Variants in VPS13A observed in about 807,000 individuals in gnomAD.
The protein encoded by VPS13A is intermembrane lipid transfer protein VPS13A.
In VPS13A, 264 loss-of-function variants were observed where a neutral mutation model predicts 390.9. That is an observed-to-expected ratio of 0.68 (90% CI 0.61 to 0.75). The LOEUF is 0.75. VPS13A is among the 30% of genes least tolerant of loss of function. VPS13A has a pLI of 0.00. For synonymous variants in VPS13A, 1,231 were observed against 1,227.1 expected (o/e 1.00, Z -0.07); for missense variants, 3,409 against 3,733.9 (o/e 0.91, Z 2.27).
At position 77,344,226 on chromosome 9, in the gene VPS13A, A is replaced by T. The variant is rs1395182359; in HGVS notation, c.7100A>T (p.Lys2367Ile). ...GTCGAAAGGAGTGAAGATCCTCCCA[A>T]AAGGATATATTTTAACAAGCAGGAA... is the stretch of plus-strand genomic sequence containing the variant. ...IQVERSEDPP[K>I]RIYFNKQENC... The change falls in exon 51 of 72, where the codon AAA becomes ATA. Residue 2367 changes from lysine (K) to isoleucine (I), a missense_variant. This residue lies in a region of VPS13A where 2,717 missense variants were observed against 2,917.4 expected (regional missense o/e 0.93). Transcript: ENST00000360280. 3 of 1,613,238 alleles carry T rather than the reference A, an allele frequency of 1.9e-6. No individual in the cohort carries two copies. Among genetic ancestry groups the T allele is most frequent in the Non-Finnish European group, 2.5e-6 (3 of 1,179,524 alleles).
intron 33 of VPS13A, among the ~76,000 whole-genome samples, chr9:77,298,297 T>A (rs1828130548): frequency 6.6e-6 from 1 of 152,206 alleles, no homozygotes; most frequent in Non-Finnish European, 1.5e-5. Context: ...AGTAATAATT[T>A]GTGCTAGTCA....
rs61703004 is a variant in VPS13A at position 77,207,213 on chromosome 9, TTATATATATA to T, written c.385+1165_385+1174del. Among the ~76,000 whole-genome samples the T allele has an allele frequency of 0.012, 525 of 43,124 alleles. 37 individuals carry two copies. The East Asian group carries it at 0.16, about 13-fold the overall frequency. 28.3% of individuals were successfully genotyped at this position (43,124 alleles called of 152,430 possible). On this transcript the variant is annotated intron_variant, in intron 5 of 71. Transcript: ENST00000360280. ...CTCTGTGTCTTGATTTATTTAGATA[TTATATATATA>T]TATATATATATATATATATATATAT...
At chr9:77,267,405 C>T (rs1291724705) in intron 23 of VPS13A, among the ~76,000 whole-genome samples, 1 of 152,116 alleles carries the variant, frequency 6.6e-6, no homozygotes, top group Admixed American at 6.5e-5. Context: ...GTTAGTTTTC[C>T]TTCTAACAGT....
At chr9:77,184,833 C>G (rs1254462689) in intron 1 of VPS13A, among the ~76,000 whole-genome samples, 1 of 152,008 alleles carries the variant, frequency 6.6e-6, no homozygotes, top group Admixed American at 6.6e-5. Flanking sequence ...GGTTTAGTTC[C>G]AAGACCTGTG....
At chr9:77,253,340 C>G (rs942612414) in intron 22 of VPS13A, among the ~76,000 whole-genome samples, 3 of 152,146 alleles carry the variant, frequency 2.0e-5, no homozygotes, top group African/African-American at 7.2e-5. Flanking sequence ...GAGTCTCCCT[C>G]TGTCACCCAG....
intron 45 of VPS13A, among the ~76,000 whole-genome samples, chr9:77,325,333 G>A (rs534618140): frequency 1.3e-5 from 2 of 151,892 alleles, no homozygotes; most frequent in Non-Finnish European, 2.9e-5. Flanking sequence ...ATGGCTCAAG[G>A]GCTGGGGACC....
intron 68 of VPS13A, chr9:77,395,916 T>C (rs1418218464): frequency 2.0e-5 from 3 of 152,188 alleles, no homozygotes; most frequent in Non-Finnish European, 2.9e-5. Context: ...CACATGCTAA[T>C]TGGCAAGCAG....
chr9:77,313,962 C>G, intron 35 of VPS13A, 30 bp from the exon 36 acceptor site: 1 of 1,593,154 alleles, frequency 6.3e-7, no homozygotes. Context: ...ATGATATTTT[C>G]TTTTATTAAA....
chr9:77,210,689 A>C lies in VPS13A; in HGVS notation c.555+14A>C. ...CTGAGCATGCAGGTATTTTGTTTAT[A>C]AAAGAATCTTAACCATATTTAATGT... is the stretch of plus-strand genomic sequence containing the variant. On this transcript the variant is annotated intron_variant, in intron 7 of 71. Transcript: ENST00000360280. The C allele has an allele frequency of 5.0e-6, 8 of 1,612,340 alleles. No homozygotes were observed. Among genetic ancestry groups the C allele is most frequent in the Non-Finnish European group, 6.8e-6 (8 of 1,178,748 alleles).
intron 23 of VPS13A, among the ~76,000 whole-genome samples, chr9:77,262,114 A>G (rs1475249147): frequency 6.6e-6 from 1 of 152,170 alleles, no homozygotes. Flanking sequence ...TTGTCTAATT[A>G]AGGAAGTAAC....
rs768019151 is a variant in VPS13A at position 77,317,602 on chromosome 9, A to T, written c.4864-4A>T. The T allele has an allele frequency of 1.3e-6, 2 of 1,596,274 alleles. No individual in the cohort carries two copies. The highest frequency in any genetic ancestry group is 1.7e-6 in the Non-Finnish European group (2 of 1,170,456). The stretch of plus-strand genomic sequence containing the variant: ...ATTTAGTGGTATTGATTTTTCTCTC[A>T]TAGGTTTTGCAGCCCTGTGACTTGT... On this transcript the variant is annotated splice_region_variant and splice_polypyrimidine_tract_variant and intron_variant, in intron 39 of 71. Coordinates refer to ENST00000360280, the MANE Select transcript of VPS13A (RefSeq NM_033305.3).
intron 69 of VPS13A, 40 bp downstream of exon 69, chr9:77,403,361 T>TTAAC: frequency 6.6e-7 from 1 of 1,507,684 alleles, no homozygotes; most frequent in Admixed American, 1.7e-5. Context: ...TTATAAGGGG[T>TTAAC]TAACTGACAG....
At chr9:77,366,526 A>G (rs576711128) in intron 60 of VPS13A, among the ~76,000 whole-genome samples, 1 of 152,114 alleles carries the variant, frequency 6.6e-6, no homozygotes, top group Non-Finnish European at 1.5e-5. Context: ...GCTATCTTAA[A>G]TTGTTGAATT....
At position 77,250,187 on chromosome 9, in the gene VPS13A, G is replaced by T; in HGVS notation, c.2128G>T (p.Asp710Tyr). 6.2e-7 allele frequency: 1 copy of T among 1,613,842 alleles called. No individual in the cohort carries two copies. The highest frequency in any genetic ancestry group is 1.1e-5 in the South Asian group (1 of 91,062). ...EIMDRAYDSF[D>Y]IQLTSVQLLY... ...AATGGATAGAGCTTATGATTCATTT[G>T]ATATTCAACTTACAAGTGTACAGCT... is the stretch of plus-strand genomic sequence containing the variant. Residue 710 changes from aspartate to tyrosine, a missense_variant, in exon 21 of 72, where the codon GAT becomes TAT. Physicochemically the swap from Asp to Tyr is radical, Grantham distance 160 (BLOSUM62 -3). Transcript: ENST00000360280.
intron 5 of VPS13A, among the ~76,000 whole-genome samples, chr9:77,208,043 A>G (rs968467624): frequency 3.9e-5 from 6 of 152,238 alleles, no homozygotes; most frequent in African/African-American, 1.2e-4. Flanking sequence ...GTAAAATAAC[A>G]TATCATGGAA....
Position 77,321,734 on chromosome 9 carries a change from T to G in VPS13A, c.5818T>G (p.Phe1940Val), listed in dbSNP as rs1164821033. ...AMTSLSSKLF[F>V]ILLTPVNHST... Reference sequence around the variant, plus strand: ...GACCAGCCTAAGCAGCAAACTCTTCTTCATTCTTCTTAGTAAGTAGTTGAA... The same window carrying G: ...GACCAGCCTAAGCAGCAAACTCTTCGTCATTCTTCTTAGTAAGTAGTTGAA... The change falls in exon 44 of 72, where the codon TTC becomes GTC. Residue 1940 changes from phenylalanine to valine, a missense_variant. Physicochemically the swap from Phe to Val is conservative, Grantham distance 50. This residue lies in a region of VPS13A where 2,717 missense variants were observed against 2,917.4 expected (regional missense o/e 0.93). Coordinates refer to ENST00000360280, the MANE Select transcript of VPS13A (RefSeq NM_033305.3). The G allele has an allele frequency of 1.9e-6, 3 of 1,613,132 alleles. No individual in the cohort carries two copies. Among genetic ancestry groups the G allele is most frequent in the Non-Finnish European group, 2.5e-6 (3 of 1,179,452 alleles).
chr9:77,212,859 G>C, intron 7 of VPS13A, 110 bp from the exon 8 acceptor site: 1 of 1,130,084 alleles, frequency 8.8e-7, no homozygotes, highest in Admixed American at 1.8e-5. Flanking sequence ...GTCTTTAAAG[G>C]CATTTTCATG....
At chr9:77,310,341 A>T (rs1205595889) in intron 35 of VPS13A, among the ~76,000 whole-genome samples, 1 of 152,184 alleles carries the variant, frequency 6.6e-6, no homozygotes, top group East Asian at 1.9e-4. Flanking sequence ...AGAAAAAAAA[A>T]GCCATATGGA....
At chr9:77,201,185 G>C (rs1825311177) in intron 2 of VPS13A, among the ~76,000 whole-genome samples, 180 bp from the exon 3 acceptor site, 1 of 151,924 alleles carries the variant, frequency 6.6e-6, no homozygotes. Context: ...TGGATTTTAT[G>C]GATTTGATAG....
Sources: gnomAD v4.1 joint callset for allele counts (sites outside exome capture counted in the v4.1 genomes callset) on GRCh38, gnomAD v4.1.1 for gene constraint, gnomAD v4.1.1 regional missense constraint, MANE v1.5 for transcripts, NCBI Gene and HGNC (gene_info 2026-07-23, HGNC 2026-07-21) for gene names.